The following CTNNA3 variants were observed in gnomAD, a reference collection of about 807,000 sequenced individuals.
The protein encoded by CTNNA3 is catenin alpha-3.
A neutral mutation model predicts 95.7 loss-of-function variants in CTNNA3; 76 were observed. The ratio of observed to expected loss-of-function variants is 0.79; its 90% CI spans 0.66 to 0.96. The LOEUF (loss-of-function observed/expected upper bound fraction) is 0.96. CTNNA3 is among the 40% of genes least tolerant of loss of function. The pLI, the probability that CTNNA3 is intolerant of heterozygous loss-of-function variation, is 0.00. For missense variants in CTNNA3, 1,191 were observed against 1,089.8 expected (o/e 1.09, Z -1.31); for synonymous variants, 431 against 374.4 (o/e 1.15, Z -1.74).
rs567119874 is a variant in CTNNA3, at chr10:66,740,044, G to A, written c.1281+26220C>T. 1.3e-3 allele frequency among the ~76,000 whole-genome samples: 204 copies of A among 152,164 alleles called. 3 individuals are homozygous for A. Among genetic ancestry groups the A allele is most frequent in the Middle Eastern group, 3.2e-3 (1 of 316 alleles). On this transcript the variant is annotated intron_variant, in intron 9 of 17. Coordinates refer to ENST00000433211, the MANE Select transcript of CTNNA3 (RefSeq NM_013266.4). ...GGCTGGCCAGATTCAGATCATTTGG[G>A]GAATCATGTCTTGAGTGCAGAATTG...
At chr10:67,416,589 CAGAG>C (rs1388116441) in intron 5 of CTNNA3, among the ~76,000 whole-genome samples, 1 of 109,598 alleles carries the variant, frequency 9.1e-6, no homozygotes, top group Non-Finnish European at 1.7e-5. Context: ...GCCTGGGCGA[CAGAG>C]AGAGACTCTG....
intron 2 of CTNNA3, among the ~76,000 whole-genome samples, chr10:67,610,241 C>T (rs1010316349): frequency 2.0e-5 from 3 of 152,146 alleles, no homozygotes; most frequent in East Asian, 1.9e-4. Flanking sequence ...TTAAAATGAG[C>T]GTTCCAGAAA....
intron 5 of CTNNA3, among the ~76,000 whole-genome samples, chr10:67,360,122 GA>G (rs1467220323): frequency 6.6e-6 from 1 of 151,868 alleles, no homozygotes; most frequent in Non-Finnish European, 1.5e-5. Flanking sequence ...CATAGTACAG[GA>G]GAAATAAAAT....
chr10:66,160,329 C>A (rs765548691), intron 13 of CTNNA3, among the ~76,000 whole-genome samples: 16 of 151,946 alleles, frequency 1.1e-4, no homozygotes, highest in Non-Finnish European at 1.6e-4. Flanking sequence ...TATGAACTTT[C>A]CTTTTAGCAC....
chr10:67,302,937 C>A (rs1332877224), intron 5 of CTNNA3, among the ~76,000 whole-genome samples: 1 of 152,176 alleles, frequency 6.6e-6, no homozygotes, highest in Non-Finnish European at 1.5e-5. Flanking sequence ...AAAACATAGG[C>A]TCTTTAAATG....
chr10:66,806,756 A>ATATATG (rs1359507202), intron 7 of CTNNA3, among the ~76,000 whole-genome samples: 7 of 145,718 alleles, frequency 4.8e-5, no homozygotes, highest in African/African-American at 1.8e-4. Context: ...TGTGGCATAT[A>ATATATG]TGTGTGTGTG....
chr10:66,713,474 G>T (rs887758906), intron 9 of CTNNA3, among the ~76,000 whole-genome samples: 8 of 148,782 alleles, frequency 5.4e-5, no homozygotes, highest in African/African-American at 1.5e-4. Flanking sequence ...GAGCAATAAA[G>T]ATCTTAATTA....
At chr10:65,999,941 A>G (rs1437775453) in intron 15 of CTNNA3, among the ~76,000 whole-genome samples, 1 of 149,094 alleles carries the variant, frequency 6.7e-6, no homozygotes, top group Non-Finnish European at 1.5e-5. Flanking sequence ...AAAAAAAAAA[A>G]GCAGATCAGA....
chr10:66,374,827 G>T (rs1439576426), intron 12 of CTNNA3, among the ~76,000 whole-genome samples: 1 of 151,856 alleles, frequency 6.6e-6, no homozygotes, highest in Non-Finnish European at 1.5e-5. Flanking sequence ...ATGTTGGCCA[G>T]GCTGGTCTTG....
At chr10:67,704,486 A>G (rs1046424789) in intron 1 of CTNNA3, among the ~76,000 whole-genome samples, 1 of 152,214 alleles carries the variant, frequency 6.6e-6, no homozygotes, top group African/African-American at 2.4e-5. Context: ...ATCTACAACT[A>G]TCTGATCTTT....
intron 5 of CTNNA3, among the ~76,000 whole-genome samples, chr10:67,243,892 A>C (rs1865809873): frequency 6.6e-6 from 1 of 152,056 alleles, no homozygotes; most frequent in Non-Finnish European, 1.5e-5. Flanking sequence ...TGTGTCTCTC[A>C]CCAAATCATG....
intron 11 of CTNNA3, among the ~76,000 whole-genome samples, chr10:66,438,121 G>A (rs4746590): frequency 0.26 from 40,261 of 152,070 alleles, 5,495 homozygotes; most frequent in South Asian, 0.39. Context: ...TCTCCTGTAT[G>A]AGATGTCTGT....
chr10:67,233,777 A>C (rs1472026341), intron 5 of CTNNA3, among the ~76,000 whole-genome samples: 1 of 151,700 alleles, frequency 6.6e-6, no homozygotes, highest in Admixed American at 6.6e-5. Context: ...AGACTAATAA[A>C]GAAAAAAAGA....
intron 13 of CTNNA3, among the ~76,000 whole-genome samples, chr10:66,184,803 T>C (rs2131866133): frequency 6.6e-6 from 1 of 152,346 alleles, no homozygotes; most frequent in Admixed American, 6.5e-5. Context: ...TCTTCATTCA[T>C]ACTCTTTATT....
At chr10:66,908,179 C>A (rs1043273175) in intron 7 of CTNNA3, among the ~76,000 whole-genome samples, 4 of 152,116 alleles carry the variant, frequency 2.6e-5, no homozygotes, top group African/African-American at 9.7e-5. Context: ...TGGGAAAAGA[C>A]CAAAAGAGTT....
chr10:66,691,780 C>G (rs555732688), intron 9 of CTNNA3, among the ~76,000 whole-genome samples: 8 of 152,286 alleles, frequency 5.3e-5, no homozygotes, highest in Non-Finnish European at 1.0e-4. Context: ...GAGGAACGAT[C>G]AGACAGCAGC....
At chr10:66,442,842 C>A (rs2093385332) in intron 11 of CTNNA3, among the ~76,000 whole-genome samples, 1 of 152,138 alleles carries the variant, frequency 6.6e-6, no homozygotes, top group African/African-American at 2.4e-5. Context: ...CATGCACGAG[C>A]CAAAGCAGGG....
intron 6 of CTNNA3, among the ~76,000 whole-genome samples, chr10:67,218,889 T>C (rs767595966): frequency 2.0e-5 from 3 of 152,226 alleles, no homozygotes; most frequent in Non-Finnish European, 2.9e-5. Flanking sequence ...AGTCGCAGCA[T>C]GTCACACCTT....
intron 5 of CTNNA3, among the ~76,000 whole-genome samples, chr10:67,363,213 A>G (rs1021959925): frequency 1.3e-5 from 2 of 152,142 alleles, no homozygotes; most frequent in Non-Finnish European, 2.9e-5. Flanking sequence ...TACACATTCA[A>G]TGCTATTCCT....
Sources: allele counts gnomAD v4.1 joint callset (sites outside exome capture counted in the v4.1 genomes callset), GRCh38; gene constraint gnomAD v4.1.1; transcripts MANE v1.5; gene names NCBI Gene and HGNC (gene_info 2026-07-23, HGNC 2026-07-21).